Variants in MRPS9 observed in about 807,000 individuals in gnomAD.
MRPS9 encodes the protein mitochondrial ribosomal protein S9, also known as small ribosomal subunit protein uS9m.
MRPS9 carries 45 observed loss-of-function variants against 59.9 expected under a neutral mutation model. The observed-to-expected ratio is 0.75, with a 90% CI of 0.59 to 0.96. MRPS9 has a LOEUF of 0.96. MRPS9 is among the 40% of genes least tolerant of loss of function. The pLI, the probability that MRPS9 is intolerant of heterozygous loss-of-function variation, is 0.00. For synonymous variants in MRPS9, 171 were observed against 166.8 expected, an observed-to-expected ratio of 1.03 and a Z score of -0.19; for missense variants, 473 against 481.1, an observed-to-expected ratio of 0.98 and a Z score of 0.16.
intron 2 of MRPS9, among the ~76,000 whole-genome samples, chr2:105,061,710 G>A (rs146998885): frequency 6.6e-5 from 10 of 152,198 alleles, no homozygotes; most frequent in Non-Finnish European, 1.5e-4. Flanking sequence ...TGCACTGCCT[G>A]GGGGGAGGAG....
At chr2:105,077,581 G>A (rs1241940999) in intron 4 of MRPS9, among the ~76,000 whole-genome samples, 1 of 152,156 alleles carries the variant, frequency 6.6e-6, no homozygotes, top group East Asian at 1.9e-4. Context: ...GCATACATAG[G>A]TAAATGCACA....
At chr2:105,064,835 T>C (rs922166332) in intron 2 of MRPS9, among the ~76,000 whole-genome samples, 7 of 152,158 alleles carry the variant, frequency 4.6e-5, no homozygotes, top group African/African-American at 1.7e-4. Flanking sequence ...ACAAAACAAT[T>C]TGCAAAGGCA....
intron 9 of MRPS9, among the ~76,000 whole-genome samples, chr2:105,095,562 A>G (rs1680644021): frequency 6.7e-6 from 1 of 149,614 alleles, no homozygotes; most frequent in Non-Finnish European, 1.5e-5. Flanking sequence ...CAGTGGTGCA[A>G]TCTTGGCTCA....
At chr2:105,045,049 GA>G (rs898073879) in intron 1 of MRPS9, among the ~76,000 whole-genome samples, 2 of 151,900 alleles carry the variant, frequency 1.3e-5, no homozygotes, top group African/African-American at 4.8e-5. Context: ...TAGAAAGAGG[GA>G]AAAAAACATG....
rs754361541 is a variant in MRPS9 at position 105,091,364 on chromosome 2, T to A, written c.652-1037T>A. On this transcript the variant is annotated intron_variant, in intron 7 of 10. Transcript: ENST00000258455. ...AGTCTGTGAGATGCAATCAAGAGAG[T>A]AGCTGAGCACAGAACGCCCAGGCCA... The A allele has an allele frequency of 1.9e-5, 9 of 470,830 alleles. No individual in the cohort carries two copies. The East Asian group carries it at 5.6e-4, about 29-fold the overall frequency. 29.2% of individuals were successfully genotyped at this position (470,830 alleles called of 1,614,324 possible). A position where few individuals can be genotyped will look rare whatever the true frequency, so the allele number is the denominator to read the frequency against.
At position 105,050,512 on chromosome 2, in the gene MRPS9, T is replaced by A. The variant is rs200142987; in HGVS notation, c.315+1162T>A. Among the ~76,000 whole-genome samples, 5 of 152,218 alleles carry A rather than the reference T, an allele frequency of 3.3e-5. No homozygotes were observed. In the East Asian group the frequency reaches 7.7e-4, roughly 23 times the overall value. ...GGACTTTGTAGCTGCTGTCCTCTTT[T>A]TGAGTTTTATGGTAATCTGGACAGT... is the stretch of plus-strand genomic sequence containing the variant. On this transcript the variant is annotated intron_variant, in intron 2 of 10. Transcript: ENST00000258455.
chr2:105,045,290 A>G (rs1679572107), intron 1 of MRPS9, among the ~76,000 whole-genome samples: 1 of 151,460 alleles, frequency 6.6e-6, no homozygotes, highest in African/African-American at 2.4e-5. Flanking sequence ...AGCAAGCTGT[A>G]TATGGTCCAA....
At chr2:105,062,040 A>T (rs549009779) in intron 2 of MRPS9, among the ~76,000 whole-genome samples, 58 of 152,222 alleles carry the variant, frequency 3.8e-4, no homozygotes, top group African/African-American at 1.3e-3. Context: ...TCCAGTAAGG[A>T]CCTCTGAATG....
At chr2:105,099,350 G>A (rs1223924183) in intron 10 of MRPS9, 5 of 193,990 alleles carry the variant, frequency 2.6e-5, no homozygotes, top group Admixed American at 2.2e-4. Context: ...AATAGTGACC[G>A]CCCACACAAG....
At chr2:105,045,928 G>A (rs1352869661) in intron 1 of MRPS9, among the ~76,000 whole-genome samples, 1 of 151,932 alleles carries the variant, frequency 6.6e-6, no homozygotes, top group Non-Finnish European at 1.5e-5. Context: ...GCAGTGGTGC[G>A]ATCTTGGCTA....
At chr2:105,067,337 G>A (rs377015785) in intron 2 of MRPS9, among the ~76,000 whole-genome samples, 2 of 151,958 alleles carry the variant, frequency 1.3e-5, no homozygotes, top group African/African-American at 2.4e-5. Context: ...TTGCTTTCTC[G>A]TGATCAGACT....
intron 4 of MRPS9, among the ~76,000 whole-genome samples, chr2:105,075,836 T>C (rs1680200542): frequency 6.6e-6 from 1 of 151,856 alleles, no homozygotes; most frequent in Non-Finnish European, 1.5e-5. Flanking sequence ...AACCTAGAAA[T>C]AAAAAGAAAC....
chr2:105,049,445 T>C, intron 2 of MRPS9, 95 bp downstream of exon 2: 1 of 1,076,884 alleles, frequency 9.3e-7, no homozygotes, highest in East Asian at 2.5e-5. Flanking sequence ...TGTGTTTTAA[T>C]CAAGCTGTCA....
At chr2:105,078,314 A>G (rs538855059) in intron 4 of MRPS9, among the ~76,000 whole-genome samples, 3 of 71,816 alleles carry the variant, frequency 4.2e-5, no homozygotes, top group African/African-American at 6.8e-5. Context: ...CGGTGAAGTC[A>G]AGTGTGTGTG....
intron 5 of MRPS9, among the ~76,000 whole-genome samples, chr2:105,085,015 T>G (rs1242829372): frequency 6.6e-6 from 1 of 152,182 alleles, no homozygotes; most frequent in African/African-American, 2.4e-5. Context: ...ATATATGCTG[T>G]CTGAGTTATA....
chr2:105,080,307 A>G (rs975992963), intron 5 of MRPS9, among the ~76,000 whole-genome samples: 1 of 152,202 alleles, frequency 6.6e-6, no homozygotes, highest in African/African-American at 2.4e-5. Context: ...AATTGAAATC[A>G]TGTTCCAAGA....
chr2:105,040,273 T>C (rs1363877579), intron 1 of MRPS9, among the ~76,000 whole-genome samples: 2 of 152,160 alleles, frequency 1.3e-5, no homozygotes, highest in Non-Finnish European at 2.9e-5. Flanking sequence ...TTTTATAAAA[T>C]AATAAAAATT....
At chr2:105,060,017 T>TAAAAAAAAAAAAAAAAAAAAAAA in intron 2 of MRPS9, among the ~76,000 whole-genome samples, 1 of 100,604 alleles carries the variant, frequency 9.9e-6, no homozygotes, top group Non-Finnish European at 1.9e-5. Flanking sequence ...GGAAAACTGC[T>TAAAAAAAAAAAAAAAAAAAAAAA]AAAAAAAAAA....
chr2:105,054,518 C>T lies in MRPS9; in HGVS notation c.315+5168C>T, dbSNP rs562499441. ...AGTGACATAATTCTGCTGTGCTAGA[C>T]TTTGCTGCAAGTGATTGATCGGCTT... On this transcript the variant is annotated intron_variant, in intron 2 of 10. Coordinates refer to ENST00000258455, the MANE Select transcript of MRPS9 (RefSeq NM_182640.3). 7.2e-5 allele frequency among the ~76,000 whole-genome samples: 11 copies of T among 152,362 alleles called. 1 individual carries two copies. Among genetic ancestry groups the T allele is most frequent in the African/African-American group, 2.6e-4 (11 of 41,580 alleles).
Sources: gnomAD v4.1 joint callset for allele counts (sites outside exome capture counted in the v4.1 genomes callset) on GRCh38, gnomAD v4.1.1 for gene constraint, MANE v1.5 for transcripts, NCBI Gene and HGNC (gene_info 2026-07-23, HGNC 2026-07-21) for gene names.